LRRK2: variants seen among roughly 807,000 people sequenced by gnomAD.
LRRK2 encodes the protein leucine rich repeat kinase 2, also known as leucine-rich repeat serine/threonine-protein kinase 2.
LRRK2 carries 203 observed loss-of-function variants against 302.6 expected under a neutral mutation model. The observed-to-expected ratio is 0.67, with a 90% CI of 0.60 to 0.75. The LOEUF (loss-of-function observed/expected upper bound fraction) is 0.75. Among genes scored for constraint, LRRK2 ranks in the 30% least tolerant of loss-of-function variants. LRRK2 has a pLI of 0.00. For synonymous variants in LRRK2, 1,066 were observed against 1,031.9 expected (o/e 1.03, Z -0.63); for missense variants, 2,830 against 2,951.0 (o/e 0.96, Z 0.95).
At chr12:40,332,025 C>A (rs1237773733) in intron 39 of LRRK2, among the ~76,000 whole-genome samples, 1 of 152,138 alleles carries the variant, frequency 6.6e-6, no homozygotes, top group African/African-American at 2.4e-5. Context: ...AATCAAATGG[C>A]CTACATAATA....
At chr12:40,243,787 T>C in intron 7 of LRRK2, 106 bp downstream of exon 7, 2 of 1,081,308 alleles carry the variant, frequency 1.8e-6, no homozygotes, top group South Asian at 2.8e-5. Context: ...TGACATACTT[T>C]GAATGAAAAT....
intron 14 of LRRK2, among the ~76,000 whole-genome samples, chr12:40,270,173 G>A (rs1477287921): frequency 6.6e-6 from 1 of 152,104 alleles, no homozygotes; most frequent in Non-Finnish European, 1.5e-5. Context: ...ATTACTATTA[G>A]ATTTAAAAGT....
chr12:40,298,143 T>A, intron 23 of LRRK2, 100 bp from the exon 24 acceptor site: 1 of 1,251,972 alleles, frequency 8.0e-7, no homozygotes, highest in South Asian at 1.3e-5. Context: ...TGAAAATTCT[T>A]GATGGTTCTA....
At chr12:40,309,513 T>C (rs1271420427) in intron 30 of LRRK2, among the ~76,000 whole-genome samples, 3 of 152,146 alleles carry the variant, frequency 2.0e-5, no homozygotes, top group Non-Finnish European at 2.9e-5. Context: ...TTTTTAATTA[T>C]ATTATTTCTT....
At chr12:40,240,458 C>T in intron 5 of LRRK2, 25 bp from the exon 6 acceptor site, 2 of 1,603,074 alleles carry the variant, frequency 1.2e-6, no homozygotes, top group Non-Finnish European at 1.7e-6. Flanking sequence ...TAAGCTTATT[C>T]AGTATTTTGT....
At chr12:40,300,908 A>G (rs761324116) in intron 25 of LRRK2, 5 of 471,006 alleles carry the variant, frequency 1.1e-5, no homozygotes. Context: ...TGGGTCTGGA[A>G]AGAGGAGCAT....
intron 41 of LRRK2, among the ~76,000 whole-genome samples, chr12:40,343,101 A>G (rs1293406163): frequency 6.6e-6 from 1 of 152,262 alleles, no homozygotes; most frequent in Non-Finnish European, 1.5e-5. Flanking sequence ...GCCTGAGAGC[A>G]GAGCTCCTGG....
intron 2 of LRRK2, among the ~76,000 whole-genome samples, chr12:40,227,044 A>G (rs1309960268): frequency 6.6e-6 from 1 of 152,130 alleles, no homozygotes; most frequent in Non-Finnish European, 1.5e-5. Context: ...CTAATTCTTA[A>G]TTTTAGAAAT....
chr12:40,334,060 A>G (rs536702689), intron 39 of LRRK2, among the ~76,000 whole-genome samples: 2 of 152,208 alleles, frequency 1.3e-5, no homozygotes, highest in South Asian at 2.1e-4. Flanking sequence ...GATGATATGT[A>G]TTTTTTTAAA....
intron 7 of LRRK2, among the ~76,000 whole-genome samples, chr12:40,247,324 T>C (rs759453087): frequency 9.9e-5 from 15 of 151,756 alleles, no homozygotes; most frequent in Non-Finnish European, 1.9e-4. Flanking sequence ...TTATTGAATG[T>C]TGTTATATGA....
At chr12:40,239,121 G>T (rs1941606006) in intron 5 of LRRK2, among the ~76,000 whole-genome samples, 1 of 152,138 alleles carries the variant, frequency 6.6e-6, no homozygotes, top group African/African-American at 2.4e-5. Flanking sequence ...GAAGCAATTG[G>T]TCTCATGGGA....
intron 19 of LRRK2, 114 bp downstream of exon 19, chr12:40,284,247 T>C: frequency 1.1e-6 from 1 of 873,096 alleles, no homozygotes; most frequent in Non-Finnish European, 1.6e-6. Context: ...GCCAAAGATA[T>C]TGCAAAGGTT....
chr12:40,265,469 G>T (rs1460020658), intron 14 of LRRK2, among the ~76,000 whole-genome samples: 1 of 152,212 alleles, frequency 6.6e-6, no homozygotes, highest in Non-Finnish European at 1.5e-5. Context: ...TAGTAAGGAT[G>T]AGACAGCGTA....
intron 45 of LRRK2, among the ~76,000 whole-genome samples, chr12:40,354,843 A>AATATAT (rs767600189): frequency 8.0e-5 from 2 of 24,978 alleles, no homozygotes; most frequent in South Asian, 1.6e-3. Flanking sequence ...AAAAAAAAAA[A>AATATAT]ATATATATAT....
chr12:40,254,524 C>T (rs1048938506), intron 11 of LRRK2, among the ~76,000 whole-genome samples: 2 of 152,266 alleles, frequency 1.3e-5, no homozygotes, highest in Non-Finnish European at 1.5e-5. Context: ...GAGGTCTGGA[C>T]AGGGATTTCA....
intron 20 of LRRK2, among the ~76,000 whole-genome samples, chr12:40,291,927 A>C (rs1944174353): frequency 6.6e-6 from 1 of 152,112 alleles, no homozygotes. Context: ...ACTATATATA[A>C]AAATAATTTT....
rs200279552 is a variant in LRRK2, at chr12:40,274,549, T to C, written c.1657-34T>C. ...CTTAACTAAGGTAAGTATTAAGATC[T>C]CATTTTTAACAGCGAGTATTCTTTT... On this transcript the variant is annotated intron_variant, in intron 14 of 50. Transcript: ENST00000298910. The C allele has an allele frequency of 2.0e-5, 33 of 1,610,568 alleles. 1 individual carries two copies. The South Asian group carries it at 3.6e-4, about 18-fold the overall frequency.
intron 3 of LRRK2, among the ~76,000 whole-genome samples, chr12:40,233,208 C>T (rs1941285552): frequency 6.6e-6 from 1 of 152,166 alleles, no homozygotes; most frequent in South Asian, 2.1e-4. Flanking sequence ...CAGAGCGACA[C>T]TCTGTCTCAA....
chr12:40,225,718 C>A, intron 2 of LRRK2, 78 bp downstream of exon 2: 1 of 1,301,860 alleles, frequency 7.7e-7, no homozygotes, highest in Non-Finnish European at 1.1e-6. Flanking sequence ...GTTAATATAG[C>A]CGAGAGTTCT....
Sources: gnomAD v4.1 joint callset for allele counts (sites outside exome capture counted in the v4.1 genomes callset) on GRCh38, gnomAD v4.1.1 for gene constraint, MANE v1.5 for transcripts, NCBI Gene and HGNC (gene_info 2026-07-23, HGNC 2026-07-21) for gene names.